METTL14: variants seen among roughly 807,000 people sequenced by gnomAD.
The protein encoded by METTL14 is N(6)-adenosine-methyltransferase non-catalytic subunit METTL14.
In METTL14, 32 loss-of-function variants were observed where a neutral mutation model predicts 62.4. That is an observed-to-expected ratio of 0.51 (90% CI 0.39 to 0.69). The LOEUF (loss-of-function observed/expected upper bound fraction) is 0.69, where lower values mean the gene tolerates loss of function less well. Ranked by LOEUF, METTL14 falls within the 30% of genes least tolerant of loss-of-function variation. METTL14 has a pLI of 0.00. For missense variants in METTL14, 340 were observed against 551.9 expected, an observed-to-expected ratio of 0.62 and a Z score of 3.85; for synonymous variants, 150 against 180.0, an observed-to-expected ratio of 0.83 and a Z score of 1.34.
At chr4:118,692,889 G>T (rs564836308) in intron 5 of METTL14, among the ~76,000 whole-genome samples, 9 of 152,064 alleles carry the variant, frequency 5.9e-5, no homozygotes, top group African/African-American at 2.2e-4. Flanking sequence ...CTATACGTTT[G>T]CCTATTTTGG....
In METTL14 at chr4:118,694,384, G is replaced by A. The variant is rs118015077; in HGVS notation, c.413-52G>A. The A allele has an allele frequency of 2.6e-3, 3,650 of 1,430,580 alleles. 135 individuals are homozygous for A. The East Asian group carries it at 0.068, about 27-fold the overall frequency. The allele number at this position is 1,430,580 out of a possible 1,614,324, so 88.6% of individuals were successfully genotyped here. On this transcript the variant is annotated intron_variant, in intron 5 of 10. Coordinates refer to ENST00000388822, the MANE Select transcript of METTL14 (RefSeq NM_020961.4). Reference sequence around the variant, plus strand: ...GAGGGCTCATAACTTTTGAATTACTGATATTAACTTCAGTTGAGATGAATT... The same window carrying A: ...GAGGGCTCATAACTTTTGAATTACTAATATTAACTTCAGTTGAGATGAATT...
At chr4:118,702,938 T>TTTATTATTATTATTATTA (rs70944804) in intron 8 of METTL14, among the ~76,000 whole-genome samples, 3 of 135,160 alleles carry the variant, frequency 2.2e-5, no homozygotes, top group Admixed American at 7.6e-5. Flanking sequence ...GTTGGAAGGT[T>TTTATTATTATTATTATTA]TTATTATTAT....
chr4:118,710,079 C>G lies in METTL14; in HGVS notation c.1148C>G (p.Ser383Cys). The G allele has an allele frequency of 6.2e-7, 1 of 1,614,194 alleles. No homozygotes were observed. The highest frequency in any genetic ancestry group is 8.5e-7 in the Non-Finnish European group (1 of 1,180,020). ...GCATCCTATTTCAGTGCTCCTAATTCCTACTTGACTGGTTGTACAGAAGAA... is the reference window on the plus strand; with the variant it reads ...GCATCCTATTTCAGTGCTCCTAATTGCTACTTGACTGGTTGTACAGAAGAA... Reference protein sequence around the residue: ...TYASYFSAPNSYLTGCTEEIE... With the variant: ...TYASYFSAPNCYLTGCTEEIE... The change falls in exon 11 of 11, where the codon TCC becomes TGC. Residue 383 changes from serine (S) to cysteine (C), a missense_variant. This residue lies in a region of METTL14 where 62 missense variants were observed against 82.3 expected (regional missense o/e 0.75). Transcript: ENST00000388822.
chr4:118,705,469 G>T, intron 9 of METTL14, 142 bp from the exon 10 acceptor site: 1 of 700,630 alleles, frequency 1.4e-6, no homozygotes, highest in Non-Finnish European at 2.4e-6. Flanking sequence ...GCGAGACCCA[G>T]TCTCAAAAAG....
chr4:118,692,531 G>A (rs1434337698), intron 5 of METTL14, among the ~76,000 whole-genome samples: 1 of 152,116 alleles, frequency 6.6e-6, no homozygotes, highest in Non-Finnish European at 1.5e-5. Flanking sequence ...GCCTCCCAAA[G>A]TGCTGAGATT....
intron 7 of METTL14, 46 bp downstream of exon 7, chr4:118,697,369 T>G (rs1339499732): frequency 4.1e-6 from 6 of 1,480,468 alleles, no homozygotes; most frequent in Non-Finnish European, 5.5e-6. Flanking sequence ...TATTTTCAAA[T>G]GAATATGTTT....
At chr4:118,700,677 TTAA>T (rs759340639) in intron 8 of METTL14, 35 bp downstream of exon 8, 24 of 1,462,284 alleles carry the variant, frequency 1.6e-5, no homozygotes, top group Non-Finnish European at 2.2e-5. Flanking sequence ...GATTTTTAAA[TTAA>T]TAAGAAAAAA....
In METTL14 at chr4:118,685,426, G is replaced by A; in HGVS notation, c.-109G>A. 8.9e-7 allele frequency: 1 copy of A among 1,126,252 alleles called. No individual in the cohort carries two copies. The highest frequency in any genetic ancestry group is 1.3e-6 in the Non-Finnish European group (1 of 743,316). The allele number at this position is 1,126,252 out of a possible 1,614,324, so 69.8% of individuals were successfully genotyped here. On this transcript the variant is annotated 5_prime_UTR_variant, in exon 1 of 11. Coordinates refer to ENST00000388822, the MANE Select transcript of METTL14 (RefSeq NM_020961.4). Reference sequence around the variant, plus strand: ...CTGAGGAAAGCTATGAGGATACTCTGTTCGTAAGCTCCCGGTGAATTTTGT... The same window carrying A: ...CTGAGGAAAGCTATGAGGATACTCTATTCGTAAGCTCCCGGTGAATTTTGT...
intron 3 of METTL14, 108 bp downstream of exon 3, chr4:118,689,565 T>C: frequency 1.7e-6 from 1 of 578,246 alleles, no homozygotes. Context: ...TAAGATGTGC[T>C]AAAATAATTG....
At chr4:118,687,409 G>A (rs1386586617) in intron 1 of METTL14, among the ~76,000 whole-genome samples, 1 of 152,132 alleles carries the variant, frequency 6.6e-6, no homozygotes, top group Non-Finnish European at 1.5e-5. Flanking sequence ...TTGCTTCACA[G>A]GAAATTGGCT....
intron 10 of METTL14, among the ~76,000 whole-genome samples, chr4:118,707,929 G>T (rs1217637533): frequency 6.6e-6 from 1 of 151,626 alleles, no homozygotes; most frequent in Non-Finnish European, 1.5e-5. Context: ...CGCCTCCCAG[G>T]TTCAAGTGAT....
intron 8 of METTL14, among the ~76,000 whole-genome samples, chr4:118,701,455 G>A (rs1191247619): frequency 6.6e-6 from 1 of 151,728 alleles, no homozygotes; most frequent in African/African-American, 2.4e-5. Flanking sequence ...CAAAGTGTTA[G>A]GATTACAGGC....
chr4:118,713,565 C>G lies in METTL14; in HGVS notation c.*3263C>G, dbSNP rs1299877359. On this transcript the variant is annotated 3_prime_UTR_variant, in exon 11 of 11. Transcript: ENST00000388822. ...GTTGGGACTTAGTCTAAACAGTAGTCTTTGATCTGAAAGTGTCTCATATTT... is the reference window on the plus strand; with the variant it reads ...GTTGGGACTTAGTCTAAACAGTAGTGTTTGATCTGAAAGTGTCTCATATTT... The G allele has an allele frequency of 6.6e-6, 1 of 152,160 alleles. No individual in the cohort carries two copies. The highest frequency in any genetic ancestry group is 2.4e-5 in the African/African-American group (1 of 41,440). The allele number at this position is 152,160 out of a possible 1,614,324, so 9.4% of individuals were successfully genotyped here. A position where few individuals can be genotyped will look rare whatever the true frequency, so the allele number is the denominator to read the frequency against.
chr4:118,687,757 A>G (rs1178629994), intron 1 of METTL14, among the ~76,000 whole-genome samples, 166 bp from the exon 2 acceptor site: 1 of 151,904 alleles, frequency 6.6e-6, no homozygotes, highest in Non-Finnish European at 1.5e-5. Context: ...GAGTTTTTCC[A>G]GTTTGTCTTG....
intron 2 of METTL14, among the ~76,000 whole-genome samples, chr4:118,688,982 T>C (rs1405933519): frequency 6.6e-6 from 1 of 152,190 alleles, no homozygotes; most frequent in Non-Finnish European, 1.5e-5. Context: ...TAAAAATTTT[T>C]ATAAAAGAAA....
chr4:118,686,000 T>C (rs929556433), intron 1 of METTL14, among the ~76,000 whole-genome samples: 2 of 152,232 alleles, frequency 1.3e-5, no homozygotes, highest in African/African-American at 4.8e-5. Context: ...CATTATGAAA[T>C]ACGTTTACAG....
At chr4:118,702,018 A>G (rs1368583062) in intron 8 of METTL14, among the ~76,000 whole-genome samples, 1 of 152,002 alleles carries the variant, frequency 6.6e-6, no homozygotes, top group Non-Finnish European at 1.5e-5. Context: ...ACATGTTTTT[A>G]TAGGTATATT....
At chr4:118,701,891 T>C (rs1278128508) in intron 8 of METTL14, among the ~76,000 whole-genome samples, 1 of 152,188 alleles carries the variant, frequency 6.6e-6, no homozygotes, top group African/African-American at 2.4e-5. Context: ...TTGGGTAACA[T>C]CATTGCTTCC....
In METTL14 at chr4:118,685,603, C is replaced by G. The variant is rs1390913700; in HGVS notation, c.66+3C>G. The G allele has an allele frequency of 3.7e-6, 6 of 1,613,836 alleles. No individual in the cohort carries two copies. The highest frequency in any genetic ancestry group is 3.4e-6 in the Non-Finnish European group (4 of 1,179,908). On this transcript the variant is annotated splice_donor_region_variant and intron_variant, in intron 1 of 10. Transcript: ENST00000388822. ...GGCGACAGCTCCTCGCGCAGCAGGTCCGCGGCCCTGGTGTCCCCTGTGGGA... is the reference window on the plus strand; with the variant it reads ...GGCGACAGCTCCTCGCGCAGCAGGTGCGCGGCCCTGGTGTCCCCTGTGGGA...
Sources: allele counts gnomAD v4.1 joint callset (sites outside exome capture counted in the v4.1 genomes callset), GRCh38; gene constraint gnomAD v4.1.1; regional missense constraint gnomAD v4.1.1; transcripts MANE v1.5; gene names NCBI Gene and HGNC (gene_info 2026-07-23, HGNC 2026-07-21).